The following CHST11 variants were observed in gnomAD, a reference collection of about 807,000 sequenced individuals.
The protein encoded by CHST11 is carbohydrate sulfotransferase 11, also known as C4S-1.
In CHST11, 9 loss-of-function variants were observed where a neutral mutation model predicts 30.4. That is an observed-to-expected ratio of 0.30 (90% CI 0.18 to 0.52). CHST11 has a LOEUF of 0.52. CHST11 is among the 20% of genes least tolerant of loss of function. The pLI, the probability that CHST11 is intolerant of heterozygous loss-of-function variation, is 0.97. For synonymous variants in CHST11, 152 were observed against 187.8 expected (o/e 0.81, Z 1.56); for missense variants, 348 against 460.6 (o/e 0.76, Z 2.24).
Position 104,761,683 on chromosome 12 carries a change from C to T in CHST11, c.*3880C>T, listed in dbSNP as rs1319215335. 1 of 152,224 alleles carries T rather than the reference C, an allele frequency of 6.6e-6. No homozygotes were observed. The highest frequency in any genetic ancestry group is 1.5e-5 in the Non-Finnish European group (1 of 68,052). 9.4% of individuals were successfully genotyped at this position (152,224 alleles called of 1,614,324 possible). A position where few individuals can be genotyped will look rare whatever the true frequency, so the allele number is the denominator to read the frequency against. On this transcript the variant is annotated 3_prime_UTR_variant, in exon 3 of 3. Transcript: ENST00000303694. ...CAAGGCCTTCTAGAATCCGCTTAAC[C>T]CTTGGCTGATAACAGGCAAATTTCA...
At chr12:104,522,179 G>A (rs1422574102) in intron 1 of CHST11, among the ~76,000 whole-genome samples, 3 of 152,122 alleles carry the variant, frequency 2.0e-5, no homozygotes, top group African/African-American at 7.2e-5. Context: ...CTCAGAAGGG[G>A]ATTTTTCCAC....
At chr12:104,703,639 C>T (rs986069166) in intron 2 of CHST11, among the ~76,000 whole-genome samples, 3 of 152,210 alleles carry the variant, frequency 2.0e-5, no homozygotes, top group Non-Finnish European at 2.9e-5. Context: ...ACACTCACAC[C>T]TCCAAGGGCT....
chr12:104,488,280 G>C (rs1045318273), intron 1 of CHST11, among the ~76,000 whole-genome samples: 1 of 152,174 alleles, frequency 6.6e-6, no homozygotes, highest in Non-Finnish European at 1.5e-5. Context: ...TGCTGTGGAG[G>C]GTGAGGAGGT....
chr12:104,555,890 C>G (rs191109462), intron 1 of CHST11, among the ~76,000 whole-genome samples: 49 of 152,348 alleles, frequency 3.2e-4, no homozygotes, highest in Admixed American at 1.9e-3. Context: ...CCCTGCTGCT[C>G]TCCGGGCAGG....
chr12:104,566,370 G>A (rs1371730952), intron 1 of CHST11, among the ~76,000 whole-genome samples: 3 of 152,068 alleles, frequency 2.0e-5, no homozygotes, highest in Non-Finnish European at 4.4e-5. Context: ...AGCGGTTGGG[G>A]TGGGGGGGCG....
intron 1 of CHST11, among the ~76,000 whole-genome samples, chr12:104,471,159 T>C (rs2037505509): frequency 6.6e-6 from 1 of 152,230 alleles, no homozygotes; most frequent in African/African-American, 2.4e-5. Flanking sequence ...CTTCCTGTCA[T>C]CCCTGTGGTA....
chr12:104,491,595 A>G (rs567954505), intron 1 of CHST11, among the ~76,000 whole-genome samples: 21 of 151,940 alleles, frequency 1.4e-4, no homozygotes, highest in Admixed American at 3.9e-4. Context: ...CTGCTTCCCT[A>G]GTAGCTAGGA....
chr12:104,462,167 C>CAAAAAAAAAAAAAAAAAA (rs796356338), intron 1 of CHST11, among the ~76,000 whole-genome samples: 3 of 65,592 alleles, frequency 4.6e-5, no homozygotes, highest in African/African-American at 1.6e-4. Flanking sequence ...AACACCATCT[C>CAAAAAAAAAAAAAAAAAA]AAAAAAAAAA....
Position 104,693,369 on chromosome 12 carries a change from C to T in CHST11, c.205-63580C>T, listed in dbSNP as rs571722033. ...GAGGCCATGCTCTTAAGCTACTATG[C>T]CATACCTAGGGTAGCAGTACTATAT... On this transcript the variant is annotated intron_variant, in intron 2 of 2. Coordinates refer to ENST00000303694, the MANE Select transcript of CHST11 (RefSeq NM_018413.6). 4.1e-4 allele frequency among the ~76,000 whole-genome samples: 62 copies of T among 152,284 alleles called. No individual in the cohort carries two copies. In the South Asian group the frequency reaches 0.012, roughly 29 times the overall value.
intron 2 of CHST11, among the ~76,000 whole-genome samples, chr12:104,625,107 T>G (rs1208035173): frequency 6.6e-6 from 1 of 152,244 alleles, no homozygotes; most frequent in Non-Finnish European, 1.5e-5. Context: ...AATCAGACTT[T>G]GCTATTGAGG....
At chr12:104,633,563 C>T (rs934380916) in intron 2 of CHST11, among the ~76,000 whole-genome samples, 8 of 151,562 alleles carry the variant, frequency 5.3e-5, no homozygotes, top group African/African-American at 1.9e-4. Flanking sequence ...TACAGGTGCC[C>T]GCCACCACAC....
In CHST11 at chr12:104,671,238, G is replaced by A. The variant is rs111248249; in HGVS notation, c.204+69247G>A. Among the ~76,000 whole-genome samples, 264 of 152,282 alleles carry A rather than the reference G, an allele frequency of 1.7e-3. 2 individuals carry two copies. The highest frequency in any genetic ancestry group is 5.6e-3 in the African/African-American group (231 of 41,544). On this transcript the variant is annotated intron_variant, in intron 2 of 2. Coordinates refer to ENST00000303694, the MANE Select transcript of CHST11 (RefSeq NM_018413.6). ...TGTGATCTCCAGTCTGACTGGACAC[G>A]GCTTCTTGCTGCGCCCGTGATCCTA...
intron 1 of CHST11, among the ~76,000 whole-genome samples, chr12:104,501,559 G>C (rs890461443): frequency 1.3e-5 from 2 of 152,184 alleles, no homozygotes; most frequent in African/African-American, 2.4e-5. Context: ...GCTCACAGAT[G>C]CTCATTTGAC....
chr12:104,598,332 G>T (rs2038925931), intron 1 of CHST11, among the ~76,000 whole-genome samples: 1 of 152,204 alleles, frequency 6.6e-6, no homozygotes, highest in Non-Finnish European at 1.5e-5. Context: ...AGCTTCTAGG[G>T]AGGGTCCGAA....
Position 104,457,329 on chromosome 12 carries a change from T to A in CHST11, c.-83T>A. The stretch of plus-strand genomic sequence containing the variant: ...CAGCTCTGCCCCGCGCCTCCCGGGC[T>A]CCGGTCCGCGCGGCGGGGTCCCTGC... On this transcript the variant is annotated 5_prime_UTR_variant, in exon 1 of 3. Coordinates refer to ENST00000303694, the MANE Select transcript of CHST11 (RefSeq NM_018413.6). The A allele has an allele frequency of 2.1e-6, 2 of 962,140 alleles. No homozygotes were observed. 59.6% of individuals were successfully genotyped at this position (962,140 alleles called of 1,614,324 possible). A position where few individuals can be genotyped will look rare whatever the true frequency, so the allele number is the denominator to read the frequency against.
chr12:104,530,973 G>A (rs181903158), intron 1 of CHST11, among the ~76,000 whole-genome samples: 2 of 152,326 alleles, frequency 1.3e-5, no homozygotes, highest in African/African-American at 2.4e-5. Context: ...TAAGGTGTTG[G>A]GGAAGCCGGA....
chr12:104,672,313 C>T (rs2136096421), intron 2 of CHST11, among the ~76,000 whole-genome samples: 1 of 152,184 alleles, frequency 6.6e-6, no homozygotes, highest in South Asian at 2.1e-4. Flanking sequence ...GTGTGCAGGA[C>T]TCCATTAGGG....
intron 2 of CHST11, among the ~76,000 whole-genome samples, chr12:104,741,019 G>A (rs1332937457): frequency 6.6e-6 from 1 of 152,266 alleles, no homozygotes; most frequent in African/African-American, 2.4e-5. Context: ...AGATGTTCAT[G>A]TGTTGCCACA....
chr12:104,702,724 CTT>C (rs1296294439), intron 2 of CHST11, among the ~76,000 whole-genome samples: 4 of 152,364 alleles, frequency 2.6e-5, no homozygotes, highest in Non-Finnish European at 5.9e-5. Flanking sequence ...CCAGCAGTCT[CTT>C]CAAGCACGTT....
Sources: gnomAD v4.1 joint callset for allele counts (sites outside exome capture counted in the v4.1 genomes callset) on GRCh38, gnomAD v4.1.1 for gene constraint, MANE v1.5 for transcripts, NCBI Gene and HGNC (gene_info 2026-07-23, HGNC 2026-07-21) for gene names.